Variants in PRKAR2A observed in about 807,000 individuals in gnomAD.
PRKAR2A encodes protein kinase cAMP-dependent type II regulatory subunit alpha.
Under a neutral mutation model 51.9 loss-of-function variants are expected in PRKAR2A, and 29 were observed. The ratio of observed to expected loss-of-function variants is 0.56; its 90% CI spans 0.42 to 0.76. PRKAR2A has a LOEUF of 0.76. PRKAR2A is among the 30% of genes least tolerant of loss of function. PRKAR2A has a pLI of 0.00. For missense variants in PRKAR2A, 445 were observed against 512.1 expected, an observed-to-expected ratio of 0.87 and a Z score of 1.26; for synonymous variants, 178 against 186.2, an observed-to-expected ratio of 0.96 and a Z score of 0.36.
intron 2 of PRKAR2A, among the ~76,000 whole-genome samples, chr3:48,799,984 C>A (rs544442445): frequency 1.9e-4 from 29 of 151,918 alleles, no homozygotes; most frequent in Non-Finnish European, 3.5e-4. Context: ...CTCAGCCTCC[C>A]GAGTAGCTGG....
chr3:48,830,316 T>C (rs1246688126), intron 1 of PRKAR2A, among the ~76,000 whole-genome samples: 3 of 152,190 alleles, frequency 2.0e-5, no homozygotes, highest in South Asian at 2.1e-4. Context: ...GTCTTCCACC[T>C]CTACATCTTG....
rs1368957830 is a variant in PRKAR2A, at chr3:48,847,796, G to C, written c.-200C>G. The stretch of plus-strand genomic sequence containing the variant: ...CCACGGCCGACCTGGCACCGCCGCC[G>C]CTGTCACTGGGCAGCCGCCGCCGCC... On this transcript the variant is annotated 5_prime_UTR_variant, in exon 1 of 11. Transcript: ENST00000265563. The surrounding 1 kb of genome is among the most constrained non-coding windows in gnomAD (Gnocchi z 4.4). 2.1e-6 allele frequency: 1 copy of C among 482,112 alleles called. No homozygotes were observed. Among genetic ancestry groups the C allele is most frequent in the African/African-American group, 2.0e-5 (1 of 49,520 alleles). 29.9% of individuals were successfully genotyped at this position (482,112 alleles called of 1,614,324 possible). A position where few individuals can be genotyped will look rare whatever the true frequency, so the allele number is the denominator to read the frequency against.
chr3:48,791,164 G>A (rs1343898993), intron 3 of PRKAR2A, among the ~76,000 whole-genome samples: 3 of 151,574 alleles, frequency 2.0e-5, no homozygotes, highest in African/African-American at 7.3e-5. Flanking sequence ...GCGCGTGCCT[G>A]TAATCCCAGC....
chr3:48,775,237 G>C (rs1048699614), intron 5 of PRKAR2A, among the ~76,000 whole-genome samples: 2 of 151,870 alleles, frequency 1.3e-5, no homozygotes, highest in East Asian at 1.9e-4. Context: ...TCAGGAGTTC[G>C]AGACTAGCCT....
intron 1 of PRKAR2A, among the ~76,000 whole-genome samples, chr3:48,838,858 C>T (rs1315711574): frequency 2.0e-5 from 3 of 151,832 alleles, no homozygotes; most frequent in Admixed American, 2.0e-4. Context: ...GTGGTGGGCG[C>T]CTGTAGTCCC....
chr3:48,829,847 G>GTGTATATATATATATATATATATA (rs777532795), intron 1 of PRKAR2A, among the ~76,000 whole-genome samples: 1 of 63,754 alleles, frequency 1.6e-5, no homozygotes. Context: ...ATGCGTGTGT[G>GTGTATATATATATATATATATATA]TATATATATA....
intron 6 of PRKAR2A, among the ~76,000 whole-genome samples, chr3:48,769,883 TCCTCCCAACTCAG>T (rs970415874): frequency 2.6e-5 from 4 of 152,034 alleles, no homozygotes; most frequent in Non-Finnish European, 5.9e-5. Context: ...GCCCAGGTGA[TCCTCCCAACTCAG>T]CGTCCCAAGT....
chr3:48,773,490 C>T (rs1559611929), intron 5 of PRKAR2A, among the ~76,000 whole-genome samples: 1 of 151,596 alleles, frequency 6.6e-6, no homozygotes, highest in Non-Finnish European at 1.5e-5. Flanking sequence ...ACTACAGGCA[C>T]GCGCCACCAG....
At chr3:48,786,090 A>G (rs1269237169) in intron 4 of PRKAR2A, among the ~76,000 whole-genome samples, 1 of 151,634 alleles carries the variant, frequency 6.6e-6, no homozygotes, top group Non-Finnish European at 1.5e-5. Flanking sequence ...TGGTAAAACT[A>G]CTATGAAAAA....
intron 1 of PRKAR2A, among the ~76,000 whole-genome samples, chr3:48,829,491 C>G (rs972680890): frequency 6.6e-6 from 1 of 150,538 alleles, no homozygotes; most frequent in African/African-American, 2.4e-5. Flanking sequence ...TGCATTCCAA[C>G]CTGGGCAACA....
intron 1 of PRKAR2A, among the ~76,000 whole-genome samples, chr3:48,810,751 A>G (rs1467343577): frequency 6.6e-6 from 1 of 152,216 alleles, no homozygotes; most frequent in East Asian, 1.9e-4. Context: ...AAACGCCATA[A>G]TCATTATATT....
chr3:48,841,310 C>G (rs560369934), intron 1 of PRKAR2A, among the ~76,000 whole-genome samples: 6 of 151,314 alleles, frequency 4.0e-5, no homozygotes, highest in Non-Finnish European at 8.8e-5. Flanking sequence ...CTTTGGGAGG[C>G]TGAGGCAGGC....
intron 4 of PRKAR2A, among the ~76,000 whole-genome samples, chr3:48,787,297 T>G (rs989758428): frequency 6.6e-6 from 1 of 152,126 alleles, no homozygotes; most frequent in Non-Finnish European, 1.5e-5. Context: ...GCGATTCTTC[T>G]GCCTCAGCCT....
chr3:48,815,710 A>G (rs2082863792), intron 1 of PRKAR2A, among the ~76,000 whole-genome samples: 1 of 147,144 alleles, frequency 6.8e-6, no homozygotes, highest in Admixed American at 6.8e-5. Context: ...AAAAAAAAAA[A>G]GAAGAAGAAA....
At chr3:48,834,658 C>A (rs1253635046) in intron 1 of PRKAR2A, among the ~76,000 whole-genome samples, 2 of 145,920 alleles carry the variant, frequency 1.4e-5, no homozygotes, top group Non-Finnish European at 3.0e-5. Context: ...CCTGGGAGGT[C>A]AAGGCTGCAG....
At chr3:48,840,795 C>A (rs192673159) in intron 1 of PRKAR2A, among the ~76,000 whole-genome samples, 2 of 150,090 alleles carry the variant, frequency 1.3e-5, no homozygotes, top group Admixed American at 1.3e-4. Context: ...CCAGGATGGT[C>A]TCAATCTCCT....
At chr3:48,781,789 G>A (rs2082200883) in intron 5 of PRKAR2A, among the ~76,000 whole-genome samples, 1 of 152,218 alleles carries the variant, frequency 6.6e-6, no homozygotes, top group Admixed American at 6.5e-5. Context: ...GGGATTACAG[G>A]CATGAGCCAC....
chr3:48,766,276 T>A (rs936529063), intron 6 of PRKAR2A, among the ~76,000 whole-genome samples: 1 of 151,762 alleles, frequency 6.6e-6, no homozygotes, highest in South Asian at 2.1e-4. Context: ...ATAAAAAGTC[T>A]ACATTTCAAG....
chr3:48,806,034 A>G (rs965037123), intron 2 of PRKAR2A, among the ~76,000 whole-genome samples: 1 of 152,202 alleles, frequency 6.6e-6, no homozygotes, highest in South Asian at 2.1e-4. Flanking sequence ...GAGGAAAAAA[A>G]GGTGCAGGGC....
Sources: gnomAD v4.1 joint callset for allele counts (sites outside exome capture counted in the v4.1 genomes callset) on GRCh38, gnomAD v4.1.1 for gene constraint, Gnocchi (gnomAD v3.1) non-coding constraint, MANE v1.5 for transcripts, NCBI Gene and HGNC (gene_info 2026-07-23, HGNC 2026-07-21) for gene names.